EXOC4: variants seen among roughly 807,000 people sequenced by gnomAD.
EXOC4 encodes exocyst complex component 4, also known as SEC8-like 1.
EXOC4 carries 71 observed loss-of-function variants against 107.2 expected under a neutral mutation model. That is an observed-to-expected ratio of 0.66 (90% CI 0.55 to 0.81). The LOEUF is 0.81. EXOC4 is among the 30% of genes least tolerant of loss of function. The pLI is 0.00. For synonymous variants in EXOC4, 456 were observed against 441.2 expected, an observed-to-expected ratio of 1.03 and a Z score of -0.42; for missense variants, 1,108 against 1,189.6, an observed-to-expected ratio of 0.93 and a Z score of 1.01.
chr7:133,309,787 A>G (rs1794831090), intron 4 of EXOC4, among the ~76,000 whole-genome samples: 1 of 152,114 alleles, frequency 6.6e-6, no homozygotes, highest in Admixed American at 6.5e-5. Flanking sequence ...TGAAAGTGTA[A>G]AAGTTAGCCA....
chr7:133,910,500 C>T (rs999573640), intron 12 of EXOC4, among the ~76,000 whole-genome samples: 3 of 152,180 alleles, frequency 2.0e-5, no homozygotes, highest in Non-Finnish European at 4.4e-5. Flanking sequence ...TCATAAAGCT[C>T]TCTGACCAGC....
chr7:133,729,881 G>A (rs1795290202), intron 10 of EXOC4, among the ~76,000 whole-genome samples: 1 of 151,664 alleles, frequency 6.6e-6, no homozygotes, highest in African/African-American at 2.4e-5. Context: ...CCTTTTCTAG[G>A]TCTACAGTAG....
Position 133,480,040 on chromosome 7 carries a change from T to G in EXOC4, c.1329-10T>G. 3.1e-6 allele frequency: 5 copies of G among 1,612,758 alleles called. No individual in the cohort carries two copies. The highest frequency in any genetic ancestry group is 3.4e-6 in the Non-Finnish European group (4 of 1,178,808). On this transcript the variant is annotated splice_polypyrimidine_tract_variant and intron_variant, in intron 8 of 17. Transcript: ENST00000253861. ...ACCTGCTTGTCTGTTTCCCCTGTGT[T>G]TCTCTGCAGGTTCGAATCGTCCTCC...
At chr7:133,326,443 G>T (rs2150595989) in intron 5 of EXOC4, among the ~76,000 whole-genome samples, 1 of 152,340 alleles carries the variant, frequency 6.6e-6, no homozygotes, top group South Asian at 2.1e-4. Flanking sequence ...ACCCTGAGCT[G>T]CAGGTCTATT....
intron 7 of EXOC4, among the ~76,000 whole-genome samples, chr7:133,389,787 A>G (rs1243789087): frequency 2.6e-5 from 4 of 152,110 alleles, no homozygotes; most frequent in African/African-American, 9.7e-5. Flanking sequence ...GGCAATTTAC[A>G]AAGAAAGAGG....
At chr7:133,726,726 C>T (rs1795222727) in intron 10 of EXOC4, among the ~76,000 whole-genome samples, 1 of 152,204 alleles carries the variant, frequency 6.6e-6, no homozygotes, top group Non-Finnish European at 1.5e-5. Flanking sequence ...TTCCCCTTCC[C>T]TCCACTTCTC....
intron 11 of EXOC4, among the ~76,000 whole-genome samples, chr7:133,885,628 C>A (rs370069182): frequency 2.6e-5 from 4 of 152,202 alleles, no homozygotes; most frequent in Admixed American, 1.3e-4. Context: ...CCAGGGTCCT[C>A]TGGTGGCACA....
At chr7:133,482,393 G>A (rs867973523) in intron 9 of EXOC4, among the ~76,000 whole-genome samples, 1 of 152,028 alleles carries the variant, frequency 6.6e-6, no homozygotes, top group Non-Finnish European at 1.5e-5. Flanking sequence ...ACCTCTCATC[G>A]CTCACTCACA....
intron 4 of EXOC4, among the ~76,000 whole-genome samples, chr7:133,313,270 A>G (rs1245356628): frequency 6.6e-6 from 1 of 151,774 alleles, no homozygotes; most frequent in African/African-American, 2.4e-5. Context: ...TACCCTTTAA[A>G]TCATTCTTAT....
chr7:133,982,171 T>A (rs1454408586), intron 14 of EXOC4, among the ~76,000 whole-genome samples: 1 of 152,148 alleles, frequency 6.6e-6, no homozygotes. Flanking sequence ...GGTGACAAGA[T>A]AATCTGTACA....
At chr7:133,909,535 A>G (rs997422248) in intron 12 of EXOC4, among the ~76,000 whole-genome samples, 2 of 152,200 alleles carry the variant, frequency 1.3e-5, no homozygotes, top group African/African-American at 4.8e-5. Context: ...ATTCAGGTTA[A>G]TGAGCAAAGA....
chr7:133,931,309 G>C (rs960773022), intron 13 of EXOC4, among the ~76,000 whole-genome samples: 2 of 151,588 alleles, frequency 1.3e-5, no homozygotes, highest in African/African-American at 4.9e-5. Context: ...ATAAATACTT[G>C]TTGAATGAAT....
intron 17 of EXOC4, among the ~76,000 whole-genome samples, chr7:134,057,867 A>G (rs1795967325): frequency 6.6e-6 from 1 of 152,224 alleles, no homozygotes; most frequent in Non-Finnish European, 1.5e-5. Context: ...TGAGAAATAG[A>G]TCCAGATAGC....
At chr7:134,067,676 G>T (rs929026324), downstream of EXOC4, among the ~76,000 whole-genome samples, 1 of 1,488 alleles carries the variant, frequency 6.7e-4, no homozygotes, top group African/African-American at 1.2e-3. Context: ...CACACACACA[G>T]GCAATTGTGT....
intron 10 of EXOC4, among the ~76,000 whole-genome samples, chr7:133,788,263 A>T (rs1452234626): frequency 6.6e-6 from 1 of 151,430 alleles, no homozygotes; most frequent in Non-Finnish European, 1.5e-5. Context: ...ATAGCATCTA[A>T]ACTTTTATTG....
chr7:133,312,511 AAAT>A (rs1442673183), intron 4 of EXOC4, among the ~76,000 whole-genome samples: 1 of 152,186 alleles, frequency 6.6e-6, no homozygotes, highest in Admixed American at 6.6e-5. Context: ...TGTTTTTTAA[AAAT>A]AATAATACAA....
chr7:133,509,344 C>G (rs1317380011), intron 9 of EXOC4, among the ~76,000 whole-genome samples: 1 of 151,866 alleles, frequency 6.6e-6, no homozygotes, highest in African/African-American at 2.4e-5. Context: ...AGGAGAATGG[C>G]TTGAACCCAT....
intron 10 of EXOC4, among the ~76,000 whole-genome samples, chr7:133,774,116 T>C (rs916704782): frequency 1.3e-5 from 2 of 152,076 alleles, no homozygotes; most frequent in Admixed American, 6.6e-5. Context: ...CCTGACCTTG[T>C]ATGATTCTCT....
chr7:133,729,888 G>T (rs1291846933), intron 10 of EXOC4, among the ~76,000 whole-genome samples: 2 of 151,850 alleles, frequency 1.3e-5, no homozygotes, highest in East Asian at 3.9e-4. Flanking sequence ...TAGGTCTACA[G>T]TAGTCCAGTC....
Sources: allele counts gnomAD v4.1 joint callset (sites outside exome capture counted in the v4.1 genomes callset), GRCh38; gene constraint gnomAD v4.1.1; transcripts MANE v1.5; gene names NCBI Gene and HGNC (gene_info 2026-07-23, HGNC 2026-07-21).